The following SORBS3 variants were observed in gnomAD, a reference collection of about 807,000 sequenced individuals.
SORBS3 encodes sorbin and SH3 domain containing 3, also known as vinexin.
In SORBS3, 69 loss-of-function variants were observed where a neutral mutation model predicts 98.0. The ratio of observed to expected loss-of-function variants is 0.70; its 90% confidence interval spans 0.58 to 0.86. SORBS3 has a LOEUF of 0.86. Ranked by LOEUF, SORBS3 falls within the 40% of genes least tolerant of loss-of-function variation. SORBS3 has a pLI of 0.00. For missense variants in SORBS3, 954 were observed against 908.5 expected, an observed-to-expected ratio of 1.05 and a Z score of -0.64; for synonymous variants, 394 against 355.4, an observed-to-expected ratio of 1.11 and a Z score of -1.22.
At chr8:22,573,316 ACTAAT>A (rs911429127) in intron 20 of SORBS3, 7 of 453,446 alleles carry the variant, frequency 1.5e-5, no homozygotes, top group African/African-American at 1.4e-4. Flanking sequence ...TTTTACAACT[ACTAAT>A]AAAGTTTTGC....
Position 22,564,470 on chromosome 8 carries a change from C to T in SORBS3, c.765C>T (p.Pro255=), listed in dbSNP as rs750849020. The T allele has an allele frequency of 1.2e-6, 2 of 1,614,114 alleles. No homozygotes were observed. Among genetic ancestry groups the T allele is most frequent in the Admixed American group, 3.3e-5 (2 of 60,018 alleles). ...FLQELETGQR[P]KKPLVDDPGE... Reference sequence around the variant, plus strand: ...GACACACCCTTTCTACCCTTCAGCCCAAGAAACCGCTGGTGGACGACCCTG... The same window carrying T: ...GACACACCCTTTCTACCCTTCAGCCTAAGAAACCGCTGGTGGACGACCCTG... Residue 255 remains proline (P), a splice_region_variant and synonymous_variant, in exon 10 of 21, where the codon CCC becomes CCT. Transcript: ENST00000240123.
intron 7 of SORBS3, among the ~76,000 whole-genome samples, 176 bp downstream of exon 7, chr8:22,562,107 T>C (rs1000986027): frequency 3.6e-4 from 55 of 152,054 alleles, no homozygotes; most frequent in Admixed American, 6.5e-5. Context: ...ACCACCCCCA[T>C]AGACTCTCTT....
At chr8:22,552,344 G>A (rs1207328986) in intron 1 of SORBS3, among the ~76,000 whole-genome samples, 3 of 152,200 alleles carry the variant, frequency 2.0e-5, no homozygotes, top group African/African-American at 7.2e-5. Flanking sequence ...CCCCGCTCCC[G>A]GGGCTGGCTG....
Position 22,565,342 on chromosome 8 carries a change from G to A in SORBS3, c.891G>A (p.Leu297=). Residue 297 remains leucine (L), a synonymous_variant, in exon 11 of 21, where the codon CTG becomes CTA. Coordinates refer to ENST00000240123, the MANE Select transcript of SORBS3 (RefSeq NM_005775.5). ...DKDLRAIETR[L]PSPKSSPAPR... is the part of the protein sequence containing the mutation. ...ACCTGCGGGCAATTGAGACCCGACT[G>A]CCGTCCCCCAAGGTACCAGCCCCCA... 3 of 1,554,026 alleles carry A rather than the reference G, an allele frequency of 1.9e-6. No homozygotes were observed. Among genetic ancestry groups the A allele is most frequent in the Non-Finnish European group, 2.6e-6 (3 of 1,149,458 alleles).
At position 22,574,737 on chromosome 8, in the gene SORBS3, C is replaced by T. The variant is rs1265961336; in HGVS notation, c.*9C>T. The T allele has an allele frequency of 1.9e-6, 3 of 1,610,766 alleles. No individual in the cohort carries two copies. The highest frequency in any genetic ancestry group is 2.2e-5 in the East Asian group (1 of 44,792). The stretch of plus-strand genomic sequence containing the variant: ...ACGTTGCCCCGGTGTGAGTGGTCTC[C>T]ATGGCAACTTGGAGCCAGCCAGGAT... On this transcript the variant is annotated 3_prime_UTR_variant, in exon 21 of 21. Coordinates refer to ENST00000240123, the MANE Select transcript of SORBS3 (RefSeq NM_005775.5).
intron 1 of SORBS3, among the ~76,000 whole-genome samples, chr8:22,553,384 C>G (rs936853996): frequency 6.6e-6 from 1 of 152,228 alleles, no homozygotes; most frequent in Admixed American, 6.5e-5. Flanking sequence ...AGTGGCAGAG[C>G]TTGGCTGTTT....
Position 22,554,539 on chromosome 8 carries a change from G to A in SORBS3, c.33G>A (p.Gly11=). 2 of 1,612,726 alleles carry A rather than the reference G, an allele frequency of 1.2e-6. No homozygotes were observed. ...GCCCACCCCGCAGCCTCCGCGCTGG[G>A]CTCAGCCTGGACGACTTCATCCCTG... MQGPPRSLRA[G]LSLDDFIPGH... is the part of the protein sequence containing the mutation. The change falls in exon 2 of 21, where the codon GGG becomes GGA. Residue 11 remains glycine (G), a synonymous_variant. Coordinates refer to ENST00000240123, the MANE Select transcript of SORBS3 (RefSeq NM_005775.5). The surrounding 1 kb of genome is among the most constrained non-coding windows in gnomAD (Gnocchi z 6.5).
At chr8:22,559,443 G>A (rs932309349) in intron 5 of SORBS3, among the ~76,000 whole-genome samples, 12 of 152,332 alleles carry the variant, frequency 7.9e-5, no homozygotes, top group Admixed American at 2.6e-4. Context: ...GCTCACGCCT[G>A]TAATCCTAGC....
rs1241986482 is a variant in SORBS3, at chr8:22,565,151, G to C, written c.817-117G>C. On this transcript the variant is annotated intron_variant, in intron 10 of 20. Coordinates refer to ENST00000240123, the MANE Select transcript of SORBS3 (RefSeq NM_005775.5). ...GCAGGAGCCCGGCCCGTGCGCTGAG[G>C]CCTGCCCTTACGCCGGCCCGGTGCG... 2.0e-6 allele frequency: 3 copies of C among 1,484,628 alleles called. No individual in the cohort carries two copies. The African/African-American group carries it at 4.2e-5, about 21-fold the overall frequency. 92.0% of individuals were successfully genotyped at this position (1,484,628 alleles called of 1,614,324 possible). A position where few individuals can be genotyped will look rare whatever the true frequency, so the allele number is the denominator to read the frequency against.
intron 20 of SORBS3, among the ~76,000 whole-genome samples, chr8:22,574,169 G>T (rs1481709791): frequency 6.6e-6 from 1 of 152,042 alleles, no homozygotes; most frequent in African/African-American, 2.4e-5. Context: ...GCCCGCTGGG[G>T]TTCCCCCCCC....
chr8:22,552,631 G>A (rs994330369), intron 1 of SORBS3, among the ~76,000 whole-genome samples: 3 of 152,204 alleles, frequency 2.0e-5, no homozygotes, highest in Non-Finnish European at 2.9e-5. Flanking sequence ...TCCTCCAAGA[G>A]AGCAGTTCTC....
At chr8:22,547,148 T>TA (rs1250869378), upstream of SORBS3, among the ~76,000 whole-genome samples, 7 of 152,376 alleles carry the variant, frequency 4.6e-5, no homozygotes, top group Admixed American at 3.3e-4. Flanking sequence ...GCAATGTCCC[T>TA]ACACCTTAGC....
chr8:22,550,570 C>G (rs1840065105), upstream of SORBS3, among the ~76,000 whole-genome samples: 1 of 152,236 alleles, frequency 6.6e-6, no homozygotes, highest in Non-Finnish European at 1.5e-5. Flanking sequence ...TGTTTCAAGG[C>G]AACGGGGAGA....
chr8:22,570,678 G>A (rs1035491115), intron 17 of SORBS3, among the ~76,000 whole-genome samples: 5 of 152,174 alleles, frequency 3.3e-5, no homozygotes, highest in African/African-American at 7.2e-5. Flanking sequence ...ATGCACACCC[G>A]TTGAGCTTCC....
chr8:22,573,803 T>C (rs1201462172), intron 20 of SORBS3, among the ~76,000 whole-genome samples: 2 of 152,250 alleles, frequency 1.3e-5, no homozygotes, highest in Non-Finnish European at 2.9e-5. Flanking sequence ...TATTTTTCTA[T>C]ATATAGGAAT....
In SORBS3 at chr8:22,554,760, C is replaced by T. The variant is rs752991228; in HGVS notation, c.103-103C>T. Reference sequence around the variant, plus strand: ...GCTGGTTTCCCACAAAATCGTCAGGCGGGCCTGGGACTGTCACCGAGGGGT... The same window carrying T: ...GCTGGTTTCCCACAAAATCGTCAGGTGGGCCTGGGACTGTCACCGAGGGGT... On this transcript the variant is annotated intron_variant, in intron 2 of 20. Transcript: ENST00000240123. The surrounding 1 kb of genome is among the most constrained non-coding windows in gnomAD (Gnocchi z 6.5). The T allele has an allele frequency of 1.3e-5, 18 of 1,370,778 alleles. No homozygotes were observed. The highest frequency in any genetic ancestry group is 7.2e-5 in the African/African-American group (5 of 69,754). 84.9% of individuals were successfully genotyped at this position (1,370,778 alleles called of 1,614,324 possible).
intron 20 of SORBS3, 97 bp downstream of exon 20, chr8:22,572,543 C>T (rs1307629211): frequency 2.1e-6 from 2 of 972,250 alleles, no homozygotes; most frequent in South Asian, 2.8e-5. Context: ...GATTCATGGC[C>T]GACCACCCCC....
intron 16 of SORBS3, among the ~76,000 whole-genome samples, chr8:22,567,527 A>G (rs937191826): frequency 1.8e-4 from 27 of 152,216 alleles, no homozygotes; most frequent in Admixed American, 1.5e-3. Context: ...TAAATCACGT[A>G]TACACGCATA....
intron 16 of SORBS3, 113 bp from the exon 17 acceptor site, chr8:22,569,035 C>A: frequency 2.5e-6 from 3 of 1,177,874 alleles, no homozygotes; most frequent in African/African-American, 1.6e-5. Flanking sequence ...GTGTTTATAT[C>A]TTTTCTCTGC....
Sources: allele counts gnomAD v4.1 joint callset (sites outside exome capture counted in the v4.1 genomes callset), GRCh38; gene constraint gnomAD v4.1.1; non-coding constraint Gnocchi (gnomAD v3.1); transcripts MANE v1.5; gene names NCBI Gene and HGNC (gene_info 2026-07-23, HGNC 2026-07-21).